DCDC2: variants seen among roughly 807,000 people sequenced by gnomAD.
DCDC2 encodes the protein doublecortin domain containing 2, also known as doublecortin domain-containing protein 2.
In DCDC2, 40 loss-of-function variants were observed where a neutral mutation model predicts 50.2. That is an observed-to-expected ratio of 0.80 (90% CI 0.62 to 1.04). The LOEUF (loss-of-function observed/expected upper bound fraction) is 1.04. Ranked by LOEUF, DCDC2 falls within the 50% of genes least tolerant of loss-of-function variation. DCDC2 has a pLI of 0.00. For synonymous variants in DCDC2, 234 were observed against 210.6 expected (o/e 1.11, Z -0.96); for missense variants, 570 against 581.9 (o/e 0.98, Z 0.21).
chr6:24,197,367 G>A lies in DCDC2; in HGVS notation c.1023+7635C>T, dbSNP rs138930205. The stretch of plus-strand genomic sequence containing the variant: ...TGATTAACAGAGAGATTTCTCCTTT[G>A]CTAATAAGGCTATGATTTTCTCTTA... On this transcript the variant is annotated intron_variant, in intron 8 of 9. Transcript: ENST00000378454. Among the ~76,000 whole-genome samples the A allele has an allele frequency of 4.6e-3, 700 of 152,272 alleles. 5 individuals are homozygous for A. The highest frequency in any genetic ancestry group is 0.016 in the African/African-American group (663 of 41,554).
At chr6:24,374,119 G>A in the DCDC2 span, among the ~76,000 whole-genome samples, 2 of 147,090 alleles carry the variant, frequency 1.4e-5, no homozygotes, top group Non-Finnish European at 3.0e-5. Context: ...CCAAGACTGG[G>A]CTACTGAACT....
chr6:24,270,164 C>A lies in DCDC2; in HGVS notation c.922+7885G>T, dbSNP rs1176577435. 2.0e-5 allele frequency among the ~76,000 whole-genome samples: 3 copies of A among 152,122 alleles called. No individual in the cohort carries two copies. In the East Asian group the frequency reaches 5.8e-4, roughly 29 times the overall value. Reference sequence around the variant, plus strand: ...CTCCCCTTTCAAACAGTCACACAGGCACATCCACCTCTTAACCAGCAGCTA... The same window carrying A: ...CTCCCCTTTCAAACAGTCACACAGGAACATCCACCTCTTAACCAGCAGCTA... On this transcript the variant is annotated intron_variant, in intron 7 of 9. Coordinates refer to ENST00000378454, the MANE Select transcript of DCDC2 (RefSeq NM_016356.5).
At chr6:24,371,392 T>G in the DCDC2 span, among the ~76,000 whole-genome samples, 1 of 151,614 alleles carries the variant, frequency 6.6e-6, no homozygotes, top group Non-Finnish European at 1.5e-5. Context: ...TTGTTTGAGC[T>G]CAGGAATTCA....
chr6:24,201,723 T>C (rs540396152), intron 8 of DCDC2, among the ~76,000 whole-genome samples: 2 of 152,234 alleles, frequency 1.3e-5, no homozygotes, highest in South Asian at 4.1e-4. Context: ...AGCTGGTTTT[T>C]TGAAAAGATT....
intron 7 of DCDC2, among the ~76,000 whole-genome samples, chr6:24,277,273 G>T (rs9393548): frequency 0.057 from 8,678 of 151,788 alleles, 315 homozygotes; most frequent in Middle Eastern, 0.096. Context: ...GTGGGGTGTG[G>T]TGGGGTGGGG....
At chr6:24,381,013 T>C in the DCDC2 span, among the ~76,000 whole-genome samples, 1 of 151,592 alleles carries the variant, frequency 6.6e-6, no homozygotes, top group East Asian at 1.9e-4. Flanking sequence ...GAGTCCAAGG[T>C]TGAGGCTTTA....
At chr6:24,304,353 T>C (rs1759432707) in intron 2 of DCDC2, among the ~76,000 whole-genome samples, 2 of 152,096 alleles carry the variant, frequency 1.3e-5, no homozygotes, top group African/African-American at 2.4e-5. Context: ...TGTGGTGGTG[T>C]GCACCTGTAG....
At chr6:24,323,748 C>T (rs747138497) in intron 2 of DCDC2, among the ~76,000 whole-genome samples, 7 of 152,222 alleles carry the variant, frequency 4.6e-5, no homozygotes, top group Non-Finnish European at 1.0e-4. Context: ...CAGCAACAAT[C>T]TCCATCTGTA....
intron 7 of DCDC2, among the ~76,000 whole-genome samples, chr6:24,256,055 T>C (rs1405934352): frequency 6.6e-6 from 1 of 152,144 alleles, no homozygotes. Flanking sequence ...TGCTGCTATA[T>C]AAGAATAACA....
chr6:24,225,066 A>G (rs76067814), intron 7 of DCDC2, among the ~76,000 whole-genome samples: 5,779 of 152,204 alleles, frequency 0.038, 237 homozygotes, highest in African/African-American at 0.1. Context: ...ATAAAGAGCA[A>G]TGAGAATGAA....
At chr6:24,332,664 AT>A (rs781478454) in intron 2 of DCDC2, among the ~76,000 whole-genome samples, 1 of 152,184 alleles carries the variant, frequency 6.6e-6, no homozygotes, top group Non-Finnish European at 1.5e-5. Flanking sequence ...TGTCTTAATA[AT>A]TGGAACAGTT....
chr6:24,358,705 T>TTA (rs1554121589), upstream of DCDC2, among the ~76,000 whole-genome samples: 3 of 107,566 alleles, frequency 2.8e-5, no homozygotes, highest in African/African-American at 1.1e-4. Context: ...TATATTTTTT[T>TTA]TATATATATA....
At chr6:24,325,033 C>A (rs1355252870) in intron 2 of DCDC2, among the ~76,000 whole-genome samples, 2 of 152,200 alleles carry the variant, frequency 1.3e-5, no homozygotes, top group African/African-American at 4.8e-5. Context: ...AAGAGTAAGG[C>A]CATGTTCGTC....
chr6:24,178,433 G>C lies in DCDC2; in HGVS notation c.1223C>G (p.Thr408Ser). 4 of 1,614,092 alleles carry C rather than the reference G, an allele frequency of 2.5e-6. No individual in the cohort carries two copies. Among genetic ancestry groups the C allele is most frequent in the Non-Finnish European group, 3.4e-6 (4 of 1,180,030 alleles). ...CAGCTCCTCACCATTCTCCTCATCG[G>C]TGCCTCCATTTACACGAGCAGGGCG... Reference protein sequence around the residue: ...QARPARVNGGTDEENGEELQQ... With the variant: ...QARPARVNGGSDEENGEELQQ... Residue 408 changes from threonine to serine, a missense_variant, in exon 9 of 10, where the codon ACC (threonine) becomes AGC (serine). Thr to Ser is a moderately conservative substitution (Grantham distance 58). Coordinates refer to ENST00000378454, the MANE Select transcript of DCDC2 (RefSeq NM_016356.5).
chr6:24,251,968 G>A (rs983014906), intron 7 of DCDC2, among the ~76,000 whole-genome samples: 1 of 152,144 alleles, frequency 6.6e-6, no homozygotes, highest in Non-Finnish European at 1.5e-5. Flanking sequence ...CTGTCTAAAT[G>A]TAATAGCTTG....
chr6:24,313,673 T>G (rs1759612086), intron 2 of DCDC2, among the ~76,000 whole-genome samples: 1 of 152,208 alleles, frequency 6.6e-6, no homozygotes, highest in Non-Finnish European at 1.5e-5. Flanking sequence ...AAATAAGTCA[T>G]TTAGCCCCCA....
chr6:24,282,255 G>GT (rs77118658), intron 6 of DCDC2, among the ~76,000 whole-genome samples: 18,978 of 149,552 alleles, frequency 0.13, 1,289 homozygotes, highest in Middle Eastern at 0.18. Context: ...TTTTTGTTTT[G>GT]TTTTTTTTTG....
intron 7 of DCDC2, among the ~76,000 whole-genome samples, chr6:24,224,702 T>A (rs1762191318): frequency 6.6e-6 from 1 of 152,136 alleles, no homozygotes; most frequent in Non-Finnish European, 1.5e-5. Flanking sequence ...CAAGCATTCC[T>A]TTCTCCAGGA....
intron 8 of DCDC2, among the ~76,000 whole-genome samples, chr6:24,201,444 T>C (rs1761585447): frequency 6.6e-6 from 1 of 152,024 alleles, no homozygotes; most frequent in Admixed American, 6.6e-5. Flanking sequence ...AATAAGCAAT[T>C]TGAAACCAAT....
Sources: allele counts gnomAD v4.1 joint callset (sites outside exome capture counted in the v4.1 genomes callset), GRCh38; gene constraint gnomAD v4.1.1; transcripts MANE v1.5; gene names NCBI Gene and HGNC (gene_info 2026-07-23, HGNC 2026-07-21).